The following LRRC72 variants were observed in gnomAD, a reference collection of about 807,000 sequenced individuals.
LRRC72 encodes leucine-rich repeat-containing protein 72.
Under a neutral mutation model 35.8 loss-of-function variants are expected in LRRC72, and 41 were observed. That is an observed-to-expected ratio of 1.15 (90% confidence interval 0.89 to 1.49). The LOEUF (loss-of-function observed/expected upper bound fraction) is 1.49. Ranked by LOEUF, LRRC72 falls within the 40% of genes most tolerant of loss-of-function variation. LRRC72 has a pLI of 0.00. For missense variants in LRRC72, 389 were observed against 330.7 expected, an observed-to-expected ratio of 1.18 and a Z score of -1.37; for synonymous variants, 118 against 119.2, an observed-to-expected ratio of 0.99 and a Z score of 0.07.
intron 7 of LRRC72, among the ~76,000 whole-genome samples, chr7:16,576,147 A>G (rs1783036399): frequency 6.6e-6 from 1 of 152,210 alleles, no homozygotes; most frequent in Admixed American, 6.5e-5. Context: ...AAAGGCCGCT[A>G]TATCATAGCA....
At position 16,566,376 on chromosome 7, in the gene LRRC72, C is replaced by G; in HGVS notation, c.491C>G (p.Pro164Arg). ...CGTTTATATATCATCTACCACCTTC[C>G]AGGAGTGGAGCTGCTTGACCGAAAT... is the stretch of plus-strand genomic sequence containing the variant. ...LYRLYIIYHL[P>R]GVELLDRNQV... The change falls in exon 6 of 9, where the codon CCA (proline) becomes CGA (arginine). Residue 164 changes from proline (P) to arginine (R), a missense_variant. Transcript: ENST00000401542. 1.9e-6 allele frequency: 3 copies of G among 1,546,682 alleles called. No individual in the cohort carries two copies. Among genetic ancestry groups the G allele is most frequent in the Non-Finnish European group, 2.6e-6 (3 of 1,145,398 alleles).
chr7:16,535,832 C>T (rs563500962), intron 2 of LRRC72, among the ~76,000 whole-genome samples: 1 of 152,310 alleles, frequency 6.6e-6, no homozygotes, highest in East Asian at 1.9e-4. Flanking sequence ...TTCTACCAGA[C>T]AATTATCCTG....
In LRRC72 at chr7:16,566,377, A is replaced by C. The variant is rs1246117233; in HGVS notation, c.492A>C (p.Pro164=). 6 of 1,547,010 alleles carry C rather than the reference A, an allele frequency of 3.9e-6. No homozygotes were observed. Among genetic ancestry groups the C allele is most frequent in the Middle Eastern group, 1.7e-4 (1 of 5,980 alleles). Reference sequence around the variant, plus strand: ...GTTTATATATCATCTACCACCTTCCAGGAGTGGAGCTGCTTGACCGAAATC... The same window carrying C: ...GTTTATATATCATCTACCACCTTCCCGGAGTGGAGCTGCTTGACCGAAATC... ...LYRLYIIYHL[P]GVELLDRNQV... Residue 164 remains proline, a synonymous_variant, in exon 6 of 9, where the codon CCA becomes CCC. Coordinates refer to ENST00000401542, the MANE Select transcript of LRRC72 (RefSeq NM_001195280.2).
chr7:16,560,020 A>T (rs1015974563), intron 5 of LRRC72, among the ~76,000 whole-genome samples: 10 of 152,154 alleles, frequency 6.6e-5, no homozygotes, highest in Non-Finnish European at 1.3e-4. Context: ...TAAATAAATA[A>T]TACACCACTC....
intron 5 of LRRC72, among the ~76,000 whole-genome samples, chr7:16,563,164 C>T (rs775698684): frequency 6.6e-6 from 1 of 152,134 alleles, no homozygotes; most frequent in Non-Finnish European, 1.5e-5. Context: ...TTATTAATTA[C>T]ATCAACTTTC....
chr7:16,565,952 G>T (rs531022794), intron 5 of LRRC72, among the ~76,000 whole-genome samples: 1 of 152,324 alleles, frequency 6.6e-6, no homozygotes, highest in Non-Finnish European at 1.5e-5. Flanking sequence ...TTAATAAAAA[G>T]TAGCCTCAAG....
At chr7:16,539,978 C>A (rs1401518295) in intron 3 of LRRC72, among the ~76,000 whole-genome samples, 1 of 152,220 alleles carries the variant, frequency 6.6e-6, no homozygotes, top group Non-Finnish European at 1.5e-5. Context: ...TTGGAGCCCC[C>A]ACACAGAGTC....
chr7:16,550,954 CT>C (rs1419101773), intron 3 of LRRC72, among the ~76,000 whole-genome samples: 1 of 152,108 alleles, frequency 6.6e-6, no homozygotes, highest in Non-Finnish European at 1.5e-5. Context: ...ATTTGTTTGA[CT>C]TTTTTGTTAG....
intron 3 of LRRC72, among the ~76,000 whole-genome samples, chr7:16,553,073 TTTC>T (rs747051426): frequency 2.0e-4 from 31 of 152,242 alleles, no homozygotes; most frequent in African/African-American, 5.8e-4. Flanking sequence ...GATTATTACA[TTTC>T]TTCTTCTTTC....
At chr7:16,534,370 ACGT>A (rs1782217563) in intron 2 of LRRC72, among the ~76,000 whole-genome samples, 1 of 152,222 alleles carries the variant, frequency 6.6e-6, no homozygotes, top group South Asian at 2.1e-4. Flanking sequence ...AACCCTTCTG[ACGT>A]GAAAGAGTTA....
intron 1 of LRRC72, among the ~76,000 whole-genome samples, chr7:16,528,871 A>G (rs898552828): frequency 2.0e-5 from 3 of 152,256 alleles, no homozygotes; most frequent in Non-Finnish European, 4.4e-5. Context: ...ACTAACAGAG[A>G]AGGAGGAAAA....
chr7:16,551,332 C>CATTT (rs1782544533), intron 3 of LRRC72, among the ~76,000 whole-genome samples: 1 of 152,110 alleles, frequency 6.6e-6, no homozygotes, highest in South Asian at 2.1e-4. Flanking sequence ...TGTTTAGTCC[C>CATTT]AGTCCTCATT....
intron 7 of LRRC72, among the ~76,000 whole-genome samples, chr7:16,578,958 G>A (rs1021366851): frequency 3.3e-5 from 5 of 152,184 alleles, no homozygotes; most frequent in Non-Finnish European, 7.4e-5. Flanking sequence ...GCCAGGTGCT[G>A]TGGGGAAGGG....
intron 5 of LRRC72, among the ~76,000 whole-genome samples, chr7:16,565,445 T>G (rs1346415417): frequency 7.0e-6 from 1 of 142,798 alleles, no homozygotes; most frequent in Middle Eastern, 3.3e-3. Flanking sequence ...AAAAAAAAAA[T>G]GCCCAACTGA....
intron 1 of LRRC72, 123 bp downstream of exon 1, chr7:16,527,165 C>G: frequency 1.4e-6 from 1 of 705,120 alleles, no homozygotes; most frequent in Non-Finnish European, 2.4e-6. Context: ...AGCCTGAAGA[C>G]GGAGATAGGT....
At chr7:16,546,994 A>G (rs1217358478) in intron 3 of LRRC72, among the ~76,000 whole-genome samples, 5 of 152,134 alleles carry the variant, frequency 3.3e-5, no homozygotes, top group Non-Finnish European at 7.4e-5. Flanking sequence ...CTCTGGGAGC[A>G]GCAGTGGTGG....
chr7:16,532,039 G>A (rs148285564), intron 1 of LRRC72, among the ~76,000 whole-genome samples: 117 of 152,084 alleles, frequency 7.7e-4, no homozygotes, highest in African/African-American at 2.7e-3. Context: ...AATGTGATAG[G>A]CACAAAAAAG....
At chr7:16,532,407 C>T (rs1455386654) in intron 1 of LRRC72, 88 bp from the exon 2 acceptor site, 1 of 864,606 alleles carries the variant, frequency 1.2e-6, no homozygotes, top group Non-Finnish European at 1.9e-6. Flanking sequence ...TTTTGATCTT[C>T]TTGTAGACGT....
At chr7:16,532,431 T>C (rs573185463) in intron 1 of LRRC72, 64 bp from the exon 2 acceptor site, 1 of 1,127,974 alleles carries the variant, frequency 8.9e-7, no homozygotes, top group Non-Finnish European at 1.3e-6. Flanking sequence ...TGTTACTGAC[T>C]GCAAGTGCCT....
Sources: allele counts gnomAD v4.1 joint callset (sites outside exome capture counted in the v4.1 genomes callset), GRCh38; gene constraint gnomAD v4.1.1; transcripts MANE v1.5; gene names NCBI Gene and HGNC (gene_info 2026-07-23, HGNC 2026-07-21).